Variants in ARFIP1 observed in about 807,000 individuals in gnomAD.
ARFIP1 encodes the protein ARF interacting protein 1.
ARFIP1 carries 24 observed loss-of-function variants against 42.5 expected under a neutral mutation model. That is an observed-to-expected ratio of 0.57 (90% confidence interval 0.41 to 0.80). The LOEUF (loss-of-function observed/expected upper bound fraction) is 0.80, where lower values mean the gene tolerates loss of function less well. Among genes scored for constraint, ARFIP1 ranks in the 30% least tolerant of loss-of-function variants. The pLI is 0.00. For synonymous variants in ARFIP1, 141 were observed against 153.7 expected (o/e 0.92, Z 0.61); for missense variants, 354 against 434.0 (o/e 0.82, Z 1.64).
intron 1 of ARFIP1, among the ~76,000 whole-genome samples, chr4:152,826,791 C>T (rs1730873537): frequency 6.6e-6 from 1 of 152,128 alleles, no homozygotes; most frequent in Non-Finnish European, 1.5e-5. Context: ...AAGTATCCAT[C>T]ACGGGATGAA....
Position 152,910,513 on chromosome 4 carries a change from G to T in ARFIP1, c.*294G>T. 4.8e-6 allele frequency: 1 copy of T among 208,440 alleles called. No homozygotes were observed. Among genetic ancestry groups the T allele is most frequent in the Non-Finnish European group, 9.5e-6 (1 of 105,598 alleles). The allele number at this position is 208,440 out of a possible 1,614,324, so 12.9% of individuals were successfully genotyped here. On this transcript the variant is annotated 3_prime_UTR_variant, in exon 9 of 9. Transcript: ENST00000353617. The stretch of plus-strand genomic sequence containing the variant: ...GTTTGAAAACATCTAATAGAGATTT[G>T]CACTGACAAGATAAAAATTCAAGGT...
intron 2 of ARFIP1, among the ~76,000 whole-genome samples, chr4:152,857,163 C>G (rs1733513203): frequency 6.6e-6 from 1 of 152,124 alleles, no homozygotes. Context: ...AGGGCGTTGT[C>G]CTGTGACAAG....
chr4:152,900,243 C>T (rs1737711041), intron 8 of ARFIP1, among the ~76,000 whole-genome samples: 1 of 152,002 alleles, frequency 6.6e-6, no homozygotes, highest in Non-Finnish European at 1.5e-5. Context: ...ACTTTTTTTG[C>T]TAAAGGTGAG....
intron 1 of ARFIP1, among the ~76,000 whole-genome samples, chr4:152,799,436 A>C (rs150601849): frequency 2.0e-4 from 30 of 152,360 alleles, no homozygotes; most frequent in African/African-American, 6.7e-4. Context: ...ACACAGTACT[A>C]GGCACAGTGT....
At chr4:152,902,509 G>A (rs963628232) in intron 8 of ARFIP1, among the ~76,000 whole-genome samples, 1 of 152,140 alleles carries the variant, frequency 6.6e-6, no homozygotes, top group African/African-American at 2.4e-5. Flanking sequence ...CTCGGGTCTC[G>A]GGGTGGGCGG....
At chr4:152,884,149 A>T (rs981183684) in intron 7 of ARFIP1, among the ~76,000 whole-genome samples, 3 of 152,094 alleles carry the variant, frequency 2.0e-5, no homozygotes, top group Non-Finnish European at 4.4e-5. Flanking sequence ...TCCATTTAGT[A>T]TTAAAGTATG....
intron 1 of ARFIP1, among the ~76,000 whole-genome samples, chr4:152,820,537 G>C (rs1730286158): frequency 6.6e-6 from 1 of 152,192 alleles, no homozygotes; most frequent in Admixed American, 6.5e-5. Context: ...TGGCTTGGGA[G>C]GCCTGAGGAA....
At chr4:152,904,174 G>GTATATA (rs1271864223) in intron 8 of ARFIP1, among the ~76,000 whole-genome samples, 5 of 45,242 alleles carry the variant, frequency 1.1e-4, no homozygotes, top group African/African-American at 3.3e-4. Flanking sequence ...ATATATGTGT[G>GTATATA]TGTGTGTATA....
chr4:152,858,821 T>C (rs1733644455), intron 2 of ARFIP1, among the ~76,000 whole-genome samples: 1 of 151,900 alleles, frequency 6.6e-6, no homozygotes, highest in Non-Finnish European at 1.5e-5. Context: ...ATGAGAAAAA[T>C]AGAACAAGGT....
chr4:152,822,074 C>T (rs1204699219), intron 1 of ARFIP1, among the ~76,000 whole-genome samples: 1 of 151,984 alleles, frequency 6.6e-6, no homozygotes, highest in East Asian at 1.9e-4. Flanking sequence ...AAAACAGTCA[C>T]TAGGTAACAA....
chr4:152,795,820 ATTTTTTTTTTTTTT>A (rs56845391), intron 1 of ARFIP1, among the ~76,000 whole-genome samples: 14 of 28,066 alleles, frequency 5.0e-4, no homozygotes, highest in South Asian at 3.5e-3. Context: ...GGCCCTTGTA[ATTTTTTTTTTTTTT>A]TTTTTTTTTT....
chr4:152,812,275 A>G (rs1006229222), intron 1 of ARFIP1, among the ~76,000 whole-genome samples: 1 of 152,230 alleles, frequency 6.6e-6, no homozygotes, highest in Non-Finnish European at 1.5e-5. Context: ...GCTCACGGCA[A>G]CTGTGACCTC....
intron 2 of ARFIP1, among the ~76,000 whole-genome samples, chr4:152,837,456 G>C (rs1332109600): frequency 1.3e-5 from 2 of 152,070 alleles, no homozygotes; most frequent in South Asian, 2.1e-4. Context: ...TTGATTTTTC[G>C]ATCATGGCCA....
chr4:152,818,180 C>T (rs1353822519), intron 1 of ARFIP1, among the ~76,000 whole-genome samples: 1 of 152,100 alleles, frequency 6.6e-6, no homozygotes, highest in Admixed American at 6.5e-5. Flanking sequence ...TTCCAAGAAG[C>T]AACATAGGAA....
intron 8 of ARFIP1, among the ~76,000 whole-genome samples, chr4:152,908,278 A>C (rs1396412652): frequency 6.6e-6 from 1 of 152,158 alleles, no homozygotes; most frequent in Non-Finnish European, 1.5e-5. Context: ...CCCAGTATGT[A>C]GCTTATCTTT....
intron 1 of ARFIP1, among the ~76,000 whole-genome samples, chr4:152,824,512 TCAA>T (rs1236618903): frequency 6.6e-6 from 1 of 152,014 alleles, no homozygotes; most frequent in Non-Finnish European, 1.5e-5. Context: ...ATAAAAACCC[TCAA>T]CAAACTAGGC....
At position 152,862,163 on chromosome 4, in the gene ARFIP1, A is replaced by G. The variant is rs182680578; in HGVS notation, c.94-1443A>G. On this transcript the variant is annotated intron_variant, in intron 2 of 8. Coordinates refer to ENST00000353617, the MANE Select transcript of ARFIP1 (RefSeq NM_001025595.3). ...CTCCATGCTATCCCAATAATATGAT[A>G]ATGACTGCCCAGTGCTACCCACCCT... Among the ~76,000 whole-genome samples the G allele has an allele frequency of 1.1e-4, 16 of 152,246 alleles. No individual in the cohort carries two copies. The East Asian group carries it at 3.1e-3, about 29-fold the overall frequency.
rs1357298181 is a variant in ARFIP1 at position 152,889,569 on chromosome 4, G to GTA, written c.966+1269_966+1270dup. On this transcript the variant is annotated intron_variant, in intron 8 of 8. Transcript: ENST00000353617. ...TTTGTGTGTGTGTGTATATTTATGT[G>GTA]TATATATAAATATATATACACATAA... 2.6e-3 allele frequency among the ~76,000 whole-genome samples: 296 copies of GTA among 112,790 alleles called. 3 individuals are homozygous for GTA. Among genetic ancestry groups the GTA allele is most frequent in the African/African-American group, 9.4e-3 (268 of 28,654 alleles). 74.0% of individuals were successfully genotyped at this position (112,790 alleles called of 152,430 possible).
chr4:152,867,096 C>A (rs952675696), intron 3 of ARFIP1, among the ~76,000 whole-genome samples: 2 of 152,036 alleles, frequency 1.3e-5, no homozygotes, highest in South Asian at 4.1e-4. Context: ...GACGGGGTGG[C>A]GGCCGGGCAG....
Sources: allele counts gnomAD v4.1 joint callset (sites outside exome capture counted in the v4.1 genomes callset), GRCh38; gene constraint gnomAD v4.1.1; transcripts MANE v1.5; gene names NCBI Gene and HGNC (gene_info 2026-07-23, HGNC 2026-07-21).